The following TEX14 variants were observed in gnomAD, a reference collection of about 807,000 sequenced individuals.
TEX14 encodes the protein inactive serine/threonine-protein kinase TEX14.
Under a neutral mutation model 178.6 loss-of-function variants are expected in TEX14, and 168 were observed. The ratio of observed to expected loss-of-function variants is 0.94; its 90% confidence interval spans 0.83 to 1.07. TEX14 has a LOEUF of 1.07. Among genes scored for constraint, TEX14 ranks in the 50% least tolerant of loss-of-function variants. The pLI is 0.00. For missense variants in TEX14, 1,730 were observed against 1,753.6 expected, an observed-to-expected ratio of 0.99 and a Z score of 0.24; for synonymous variants, 626 against 634.1, an observed-to-expected ratio of 0.99 and a Z score of 0.19.
chr17:58,564,769 C>A, intron 28 of TEX14, 100 bp downstream of exon 28: 1 of 647,496 alleles, frequency 1.5e-6, no homozygotes. Context: ...TGAAAAAAGA[C>A]CCCACTTTTT....
intron 2 of TEX14, among the ~76,000 whole-genome samples, chr17:58,638,851 ATTCTTTTTTTTT>A (rs2046502076): frequency 1.0e-5 from 1 of 97,014 alleles, no homozygotes; most frequent in Non-Finnish European, 2.1e-5. Context: ...GGAGACTATT[ATTCTTTTTTTTT>A]TTTTTTTTTT....
At chr17:58,574,119 A>G in intron 22 of TEX14, 68 bp downstream of exon 22, 1 of 1,245,024 alleles carries the variant, frequency 8.0e-7, no homozygotes, top group Non-Finnish European at 1.2e-6. Flanking sequence ...TACAAACAAG[A>G]ATATACTATT....
intron 5 of TEX14, among the ~76,000 whole-genome samples, chr17:58,620,195 G>C (rs2045966489): frequency 6.6e-6 from 1 of 152,230 alleles, no homozygotes; most frequent in Admixed American, 6.5e-5. Flanking sequence ...AGGAGATGAA[G>C]GGGGAGGGCT....
chr17:58,618,638 G>T (rs1163686031), intron 5 of TEX14, among the ~76,000 whole-genome samples: 3 of 152,224 alleles, frequency 2.0e-5, no homozygotes, highest in African/African-American at 7.2e-5. Context: ...TCCTTTTCTT[G>T]GCAAATGGCA....
intron 1 of TEX14, among the ~76,000 whole-genome samples, chr17:58,690,860 CTG>C (rs1374955511): frequency 2.0e-5 from 3 of 152,128 alleles, no homozygotes; most frequent in African/African-American, 7.2e-5. Flanking sequence ...TTTAAGAAAA[CTG>C]TGCTGAGGTG....
intron 1 of TEX14, among the ~76,000 whole-genome samples, chr17:58,684,336 C>T (rs539012240): frequency 6.6e-6 from 1 of 151,740 alleles, no homozygotes; most frequent in Non-Finnish European, 1.5e-5. Context: ...GTGGTGGGTG[C>T]CTGTAATCCC....
chr17:58,602,531 T>C lies in TEX14; in HGVS notation c.1396A>G (p.Asn466Asp). 6.2e-7 allele frequency: 1 copy of C among 1,613,840 alleles called. No individual in the cohort carries two copies. Among genetic ancestry groups the C allele is most frequent in the African/African-American group, 1.3e-5 (1 of 74,922 alleles). ...SVVKKAVVSG[N>D]YLEADVRLPK... ...AGCCTGACATCAGCTTCTAAATAATTCCCCGAGACTACGGCTTTTTTAACA... is the reference window on the plus strand; with the variant it reads ...AGCCTGACATCAGCTTCTAAATAATCCCCCGAGACTACGGCTTTTTTAACA... Residue 466 changes from asparagine (N) to aspartate (D), a missense_variant, in exon 12 of 32, where the codon AAT becomes GAT. This residue lies in a region of TEX14 where 789 missense variants were observed against 681.2 expected (regional missense o/e 1.16). Transcript: ENST00000349033.
intron 8 of TEX14, 32 bp downstream of exon 8, chr17:58,615,200 G>A: frequency 7.7e-7 from 1 of 1,306,546 alleles, no homozygotes; most frequent in Non-Finnish European, 1.1e-6. Flanking sequence ...GAGAGACCTG[G>A]ACCTATAAGG....
rs991583322 is a variant in TEX14 at position 58,579,521 on chromosome 17, T to C, written c.3238+144A>G. On this transcript the variant is annotated intron_variant, in intron 20 of 31. Transcript: ENST00000349033. ...GATTTGTTCTATTGAGGAGAAATCA[T>C]TGAACCTTGGTTTTCTCAACCATAT... 7 of 653,592 alleles carry C rather than the reference T, an allele frequency of 1.1e-5. No homozygotes were observed. The Admixed American group carries it at 1.1e-4, about 10-fold the overall frequency. The allele number at this position is 653,592 out of a possible 1,614,324, so 40.5% of individuals were successfully genotyped here. A position where few individuals can be genotyped will look rare whatever the true frequency, so the allele number is the denominator to read the frequency against.
chr17:58,570,396 C>A lies in TEX14; in HGVS notation c.3806G>T (p.Ser1269Ile). Residue 1269 changes from serine (S) to isoleucine (I), a missense_variant, in exon 25 of 32, where the codon AGC becomes ATC. Physicochemically the swap from Ser to Ile is moderately radical, Grantham distance 142. Transcript: ENST00000349033. ...TAAACACAGGGTACCTTTAGGCAGG[C>A]TCCTTCTCTGGGTGGCATGGGGTGG... ...SSPPHATQRRSLPKVEAFSQH... is the reference protein window; with the variant it reads ...SSPPHATQRRILPKVEAFSQH... 1 of 1,514,372 alleles carries A rather than the reference C, an allele frequency of 6.6e-7. No individual in the cohort carries two copies. Among genetic ancestry groups the A allele is most frequent in the Non-Finnish European group, 8.7e-7 (1 of 1,143,672 alleles). The allele number at this position is 1,514,372 out of a possible 1,614,324, so 93.8% of individuals were successfully genotyped here. A position where few individuals can be genotyped will look rare whatever the true frequency, so the allele number is the denominator to read the frequency against.
chr17:58,590,881 G>GT (rs763729214), intron 15 of TEX14, among the ~76,000 whole-genome samples: 2,759 of 144,950 alleles, frequency 0.019, 37 homozygotes, highest in African/African-American at 0.036. Context: ...AGTTTACAGG[G>GT]TTTTTTTTTT....
chr17:58,634,441 AG>A (rs2046388835), intron 2 of TEX14, among the ~76,000 whole-genome samples: 1 of 152,118 alleles, frequency 6.6e-6, no homozygotes, highest in African/African-American at 2.4e-5. Context: ...AGAAAGAAAA[AG>A]AAACAGTGTT....
rs751790114 is a variant in TEX14, at chr17:58,573,237, C to A, written c.3455G>T (p.Cys1152Phe). ...TGCATGGTTTATTTTGGGTGTTTTG[C>A]ATGAAGCTTCCTTAAAAGAGCTGTC... Reference protein sequence around the residue: ...EPDSSFKEASCKTPKINHAPT... With the variant: ...EPDSSFKEASFKTPKINHAPT... The change falls in exon 23 of 32, where the codon TGC (cysteine) becomes TTC (phenylalanine). Residue 1152 changes from cysteine to phenylalanine, a missense_variant. Around this residue, in one of 2 missense-constraint regions of TEX14, gnomAD observed 941 missense variants for 1,072.4 expected, o/e 0.88. Transcript: ENST00000349033. 2.5e-6 allele frequency: 4 copies of A among 1,614,156 alleles called. No homozygotes were observed. The East Asian group carries it at 8.9e-5, about 36-fold the overall frequency.
chr17:58,572,192 C>G (rs1370826111), intron 23 of TEX14, 66 bp from the exon 24 acceptor site: 4 of 1,285,304 alleles, frequency 3.1e-6, no homozygotes, highest in Non-Finnish European at 4.3e-6. Context: ...TTTCCTTTTT[C>G]CCTTTGTTTT....
intron 7 of TEX14, 103 bp from the exon 8 acceptor site, chr17:58,615,448 C>T: frequency 1.3e-6 from 1 of 746,658 alleles, no homozygotes; most frequent in South Asian, 1.5e-5. Context: ...GGTCTCCACA[C>T]AGAACCTGCA....
intron 30 of TEX14, among the ~76,000 whole-genome samples, chr17:58,558,409 A>T (rs2044197570): frequency 6.6e-6 from 1 of 152,182 alleles, no homozygotes; most frequent in Non-Finnish European, 1.5e-5. Flanking sequence ...TTGTGGAGAG[A>T]CACCACTTCT....
chr17:58,626,051 T>C (rs1015917882), intron 3 of TEX14, among the ~76,000 whole-genome samples: 3 of 151,948 alleles, frequency 2.0e-5, no homozygotes, highest in African/African-American at 7.3e-5. Context: ...CCCGGCAACA[T>C]TTGGGAGATT....
At chr17:58,573,432 T>A in intron 22 of TEX14, 124 bp from the exon 23 acceptor site, 1 of 806,454 alleles carries the variant, frequency 1.2e-6, no homozygotes, top group African/African-American at 1.7e-5. Flanking sequence ...AGGCCAGAAT[T>A]AGAGAATATC....
chr17:58,629,184 A>C (rs2046220921), intron 3 of TEX14, among the ~76,000 whole-genome samples: 1 of 152,142 alleles, frequency 6.6e-6, no homozygotes, highest in African/African-American at 2.4e-5. Flanking sequence ...TGTTCGGCCA[A>C]GTACAGTGGC....
Sources: gnomAD v4.1 joint callset for allele counts (sites outside exome capture counted in the v4.1 genomes callset) on GRCh38, gnomAD v4.1.1 for gene constraint, gnomAD v4.1.1 regional missense constraint, MANE v1.5 for transcripts, NCBI Gene and HGNC (gene_info 2026-07-23, HGNC 2026-07-21) for gene names.